The following TICRR variants were observed in gnomAD, a reference collection of about 807,000 sequenced individuals.
TICRR encodes the protein treslin.
TICRR carries 132 observed loss-of-function variants against 178.1 expected under a neutral mutation model. That is an observed-to-expected ratio of 0.74 (90% CI 0.64 to 0.86). TICRR has a LOEUF of 0.86. TICRR is among the 40% of genes least tolerant of loss of function. The pLI is 0.00. For synonymous variants in TICRR, 991 were observed against 900.7 expected, an observed-to-expected ratio of 1.10 and a Z score of -1.79; for missense variants, 2,587 against 2,334.3, an observed-to-expected ratio of 1.11 and a Z score of -2.23.
chr15:89,623,174 C>A (rs1963453758), intron 19 of TICRR, among the ~76,000 whole-genome samples: 1 of 152,176 alleles, frequency 6.6e-6, no homozygotes, highest in East Asian at 1.9e-4. Context: ...TTCCATGCCC[C>A]CAACACACAG....
chr15:89,621,418 A>C lies in TICRR; in HGVS notation c.3180A>C (p.Gln1060His). ...KSDQRENSPV[Q>H]SIRSPKSLLF... ...ACCAAAGAGAAAATTCTCCAGTCCAAAGTATTCGGTCTCCCAAGAGTCTTC... is the reference window on the plus strand; with the variant it reads ...ACCAAAGAGAAAATTCTCCAGTCCACAGTATTCGGTCTCCCAAGAGTCTTC... The change falls in exon 19 of 22, where the codon CAA becomes CAC. Residue 1060 changes from glutamine (Q) to histidine (H), a missense_variant. Coordinates refer to ENST00000268138, the MANE Select transcript of TICRR (RefSeq NM_152259.4). 6.2e-7 allele frequency: 1 copy of C among 1,605,576 alleles called. No homozygotes were observed. The highest frequency in any genetic ancestry group is 8.5e-7 in the Non-Finnish European group (1 of 1,178,054).
At chr15:89,583,041 T>A (rs1162885183) in intron 2 of TICRR, 76 bp downstream of exon 2, 11 of 1,429,146 alleles carry the variant, frequency 7.7e-6, no homozygotes, top group Non-Finnish European at 1.0e-5. Flanking sequence ...AGCTTTTAAC[T>A]TCTTTGGCAT....
intron 15 of TICRR, among the ~76,000 whole-genome samples, chr15:89,615,314 T>C (rs1049559851): frequency 3.3e-5 from 5 of 152,218 alleles, no homozygotes; most frequent in African/African-American, 1.2e-4. Context: ...ATGACAGTTA[T>C]CTGAGAATGG....
At chr15:89,594,279 A>G (rs1359961206) in intron 5 of TICRR, 136 bp from the exon 6 acceptor site, 4 of 668,482 alleles carry the variant, frequency 6.0e-6, no homozygotes, top group African/African-American at 1.8e-5. Flanking sequence ...TCCTAAGAAA[A>G]TATATTTTTG....
chr15:89,605,437 C>T (rs1263662595), intron 13 of TICRR, among the ~76,000 whole-genome samples: 2 of 152,114 alleles, frequency 1.3e-5, no homozygotes, highest in Admixed American at 1.3e-4. Context: ...GGCACGATCT[C>T]GACTCACTGC....
intron 1 of TICRR, 122 bp downstream of exon 1, chr15:89,576,362 T>G: frequency 1.1e-6 from 1 of 944,306 alleles, no homozygotes; most frequent in Non-Finnish European, 1.5e-6. Context: ...ATGCGTCCCT[T>G]CGGAAGGAAA....
intron 1 of TICRR, chr15:89,580,226 C>T (rs1265531671): frequency 6.6e-6 from 1 of 152,210 alleles, no homozygotes; most frequent in African/African-American, 2.4e-5. Flanking sequence ...CCATGTTGGC[C>T]AGGCTGGTCT....
rs995216209 is a variant in TICRR at position 89,593,802 on chromosome 15, A to C, written c.1542-613A>C. On this transcript the variant is annotated intron_variant, in intron 5 of 21. Transcript: ENST00000268138. ...TATCTGTTCAACTAATATCACCGTAACTTTCTTGCACTTTTTAATCAGTTA... is the reference window on the plus strand; with the variant it reads ...TATCTGTTCAACTAATATCACCGTACCTTTCTTGCACTTTTTAATCAGTTA... Among the ~76,000 whole-genome samples, 6 of 152,208 alleles carry C rather than the reference A, an allele frequency of 3.9e-5. No individual in the cohort carries two copies. The South Asian group carries it at 6.2e-4, about 16-fold the overall frequency.
At position 89,625,580 on chromosome 15, in the gene TICRR, C is replaced by G. The variant is rs1215878745; in HGVS notation, c.5270C>G (p.Pro1757Arg). 7 of 1,612,776 alleles carry G rather than the reference C, an allele frequency of 4.3e-6. No homozygotes were observed. In the African/African-American group the frequency reaches 8.0e-5, roughly 18 times the overall value. Residue 1757 changes from proline to arginine, a missense_variant, in exon 20 of 22, where the codon CCT (proline) becomes CGT (arginine). Physicochemically the swap from Pro to Arg is moderately radical, Grantham distance 103 (BLOSUM62 -2). Transcript: ENST00000268138. ...CAGTCGCCTCCCAGGAACAGCATGC[C>G]TAAGGCCGAGGAAGCCTCTTCCTGG... The part of the protein sequence containing the change: ...PDQSPPRNSM[P>R]KAEEASSWGQ...
intron 1 of TICRR, among the ~76,000 whole-genome samples, chr15:89,576,782 T>G (rs1962622018): frequency 6.8e-6 from 1 of 147,556 alleles, no homozygotes; most frequent in African/African-American, 2.5e-5. Context: ...AGCAGCAGGT[T>G]TTAACACAAT....
At chr15:89,577,465 G>GA (rs1355964146) in intron 1 of TICRR, among the ~76,000 whole-genome samples, 1 of 152,094 alleles carries the variant, frequency 6.6e-6, no homozygotes, top group African/African-American at 2.4e-5. Context: ...TGGGGACATG[G>GA]TAACCAAAGC....
At chr15:89,594,622 A>G (rs1206376037) in intron 6 of TICRR, 68 bp downstream of exon 6, 18 of 1,361,646 alleles carry the variant, frequency 1.3e-5, no homozygotes, top group African/African-American at 2.9e-5. Flanking sequence ...AAAGATGGGC[A>G]TTTCCTGAAA....
intron 7 of TICRR, among the ~76,000 whole-genome samples, 178 bp downstream of exon 7, chr15:89,595,789 G>T (rs1962988154): frequency 6.6e-6 from 1 of 152,164 alleles, no homozygotes. Flanking sequence ...CAAAGATAAG[G>T]GAGGCGGAGG....
At chr15:89,601,645 G>A in intron 11 of TICRR, 77 bp downstream of exon 11, 1 of 1,609,450 alleles carries the variant, frequency 6.2e-7, no homozygotes, top group Non-Finnish European at 8.5e-7. Flanking sequence ...CTGAATTTTG[G>A]AGTTGTAAGG....
Position 89,594,416 on chromosome 15 carries a change from T to G in TICRR, c.1543T>G (p.Leu515Val). ...ASSDLMESFG[L>V]LQAASANKEE... The stretch of plus-strand genomic sequence containing the variant: ...ATTCTAGACATCTTGACTTCACAGG[T>G]TACTACAGGCTGCCTCAGCTAATAA... Residue 515 changes from leucine to valine, a missense_variant and splice_region_variant, in exon 6 of 22, where the codon TTA becomes GTA. Leu to Val is a conservative substitution (Grantham distance 32). Coordinates refer to ENST00000268138, the MANE Select transcript of TICRR (RefSeq NM_152259.4). The G allele has an allele frequency of 6.2e-7, 1 of 1,608,572 alleles. No homozygotes were observed. Among genetic ancestry groups the G allele is most frequent in the Non-Finnish European group, 8.5e-7 (1 of 1,177,764 alleles).
In TICRR at chr15:89,624,020, GGA is replaced by G; in HGVS notation, c.3716_3717del (p.Glu1239ValfsTer48). On this transcript the variant is annotated frameshift_variant, in exon 20 of 22. Transcript: ENST00000268138. LOFTEE classifies it high-confidence loss of function. ...CCAACTTCATCGACTGCCCAGCCCA[GGA>G]GAGAGTGTCTCACTCCCATCAGAGA... 2 of 1,613,956 alleles carry G rather than the reference GGA, an allele frequency of 1.2e-6. No homozygotes were observed. Among genetic ancestry groups the G allele is most frequent in the East Asian group, 4.5e-5 (2 of 44,860 alleles).
Position 89,584,518 on chromosome 15 carries a change from G to GT in TICRR, c.1169dup (p.Leu390PhefsTer6). The GT allele has an allele frequency of 6.4e-7, 1 of 1,570,270 alleles. No individual in the cohort carries two copies. Among genetic ancestry groups the GT allele is most frequent in the Non-Finnish European group, 8.6e-7 (1 of 1,156,688 alleles). On this transcript the variant is annotated frameshift_variant, in exon 3 of 22. Coordinates refer to ENST00000268138, the MANE Select transcript of TICRR (RefSeq NM_152259.4). LOFTEE classifies it high-confidence loss of function. ...TGGTAAGCAGGCTGACTGCTGAAGA[G>GT]TTACACCTGGTAGGTATCCTCCACA...
Position 89,592,036 on chromosome 15 carries a change from T to G in TICRR, c.1412-11T>G, listed in dbSNP as rs1438433354. 6.3e-7 allele frequency: 1 copy of G among 1,599,894 alleles called. No homozygotes were observed. The highest frequency in any genetic ancestry group is 1.7e-5 in the Admixed American group (1 of 59,320). ...GTTTCCTCTCCTGCCGCTGCTCCTT[T>G]GCTCCAATAGCTTCTCCTGTTCCAG... is the stretch of plus-strand genomic sequence containing the variant. On this transcript the variant is annotated splice_polypyrimidine_tract_variant and intron_variant, in intron 4 of 21. Coordinates refer to ENST00000268138, the MANE Select transcript of TICRR (RefSeq NM_152259.4).
chr15:89,577,862 C>T (rs911347336), intron 1 of TICRR, among the ~76,000 whole-genome samples: 2 of 151,698 alleles, frequency 1.3e-5, no homozygotes, highest in African/African-American at 4.9e-5. Flanking sequence ...CCGCCAACCT[C>T]AGCCTCCCAA....
Sources: allele counts gnomAD v4.1 joint callset (sites outside exome capture counted in the v4.1 genomes callset), GRCh38; gene constraint gnomAD v4.1.1; transcripts MANE v1.5; gene names NCBI Gene and HGNC (gene_info 2026-07-23, HGNC 2026-07-21).